Variants in TNFAIP8 observed in about 807,000 individuals in gnomAD.
TNFAIP8 encodes tumor necrosis factor alpha-induced protein 8.
A neutral mutation model predicts 13.3 loss-of-function variants in TNFAIP8; 7 were observed. That is an observed-to-expected ratio of 0.52 (90% confidence interval 0.30 to 0.99). TNFAIP8 has a LOEUF of 0.99. Ranked by LOEUF, TNFAIP8 falls within the 50% of genes least tolerant of loss-of-function variation. The probability of loss-of-function intolerance (pLI) is 0.07; values close to 1 mark genes in which losing one functional copy is unlikely to be tolerated. For synonymous variants in TNFAIP8, 94 were observed against 87.6 expected, an observed-to-expected ratio of 1.07 and a Z score of -0.41; for missense variants, 258 against 236.9, an observed-to-expected ratio of 1.09 and a Z score of -0.58.
In TNFAIP8 at chr5:119,396,587, C is replaced by A. The variant is rs1432135971; in HGVS notation, c.*3206C>A. The A allele has an allele frequency of 6.6e-6, 1 of 152,190 alleles. No individual in the cohort carries two copies. Among genetic ancestry groups the A allele is most frequent in the African/African-American group, 2.4e-5 (1 of 41,444 alleles). 9.4% of individuals were successfully genotyped at this position (152,190 alleles called of 1,614,324 possible). ...GAGTAGGCACGGCATCAGTTTCAAA[C>A]TTCAACATTATTTTCCAGATTTGGA... On this transcript the variant is annotated 3_prime_UTR_variant, in exon 2 of 2. Transcript: ENST00000504771.
intron 1 of TNFAIP8, among the ~76,000 whole-genome samples, chr5:119,388,625 C>CT (rs771719715): frequency 4.8e-4 from 69 of 144,628 alleles, no homozygotes; most frequent in African/African-American, 1.7e-3. Context: ...CATGAAGCAT[C>CT]TTTTTTTTTC....
intron 1 of TNFAIP8, among the ~76,000 whole-genome samples, chr5:119,370,666 C>T (rs1298461603): frequency 1.3e-5 from 2 of 152,220 alleles, no homozygotes; most frequent in Non-Finnish European, 2.9e-5. Context: ...GTTACTATGA[C>T]CCAACATCAG....
chr5:119,290,474 C>G (rs79109850), intron 1 of TNFAIP8, among the ~76,000 whole-genome samples: 1,540 of 152,282 alleles, frequency 0.01, 17 homozygotes, highest in African/African-American at 0.035. Flanking sequence ...ATTGGAGTGT[C>G]CTCATGACAT....
intron 1 of TNFAIP8, among the ~76,000 whole-genome samples, chr5:119,298,125 A>G (rs966479000): frequency 4.6e-5 from 7 of 152,166 alleles, no homozygotes; most frequent in Non-Finnish European, 8.8e-5. Flanking sequence ...TAATATTGTT[A>G]TATGTGAATT....
intron 1 of TNFAIP8, among the ~76,000 whole-genome samples, chr5:119,333,002 T>C (rs1365943088): frequency 6.6e-6 from 1 of 152,158 alleles, no homozygotes; most frequent in African/African-American, 2.4e-5. Flanking sequence ...GAGCAATACG[T>C]ATTATTAATA....
chr5:119,358,806 G>A (rs927160845), intron 1 of TNFAIP8, among the ~76,000 whole-genome samples: 1 of 152,152 alleles, frequency 6.6e-6, no homozygotes, highest in African/African-American at 2.4e-5. Flanking sequence ...GGCATCCAGG[G>A]CTCCTTTGCT....
At chr5:119,334,456 G>C (rs1254334769) in intron 1 of TNFAIP8, among the ~76,000 whole-genome samples, 2 of 151,728 alleles carry the variant, frequency 1.3e-5, no homozygotes, top group Non-Finnish European at 2.9e-5. Flanking sequence ...GACATAGGTG[G>C]GTGTTGGTAT....
intron 1 of TNFAIP8, among the ~76,000 whole-genome samples, chr5:119,334,755 C>CA (rs1750497443): frequency 6.6e-6 from 1 of 151,324 alleles, no homozygotes; most frequent in African/African-American, 2.4e-5. Context: ...AGCCTGGTGA[C>CA]AGAGTGAGAC....
At chr5:119,337,986 A>C (rs2112720489) in intron 1 of TNFAIP8, among the ~76,000 whole-genome samples, 1 of 152,258 alleles carries the variant, frequency 6.6e-6, no homozygotes, top group Middle Eastern at 3.4e-3. Context: ...CCAGACCTTA[A>C]TAGGCCAGGG....
chr5:119,385,508 A>G (rs1011552040), intron 1 of TNFAIP8, among the ~76,000 whole-genome samples: 1 of 152,122 alleles, frequency 6.6e-6, no homozygotes, highest in Non-Finnish European at 1.5e-5. Flanking sequence ...TCTGTTCGTG[A>G]TAGGCCAGTT....
chr5:119,279,081 T>G (rs1187330130), intron 1 of TNFAIP8, among the ~76,000 whole-genome samples: 1 of 152,240 alleles, frequency 6.6e-6, no homozygotes, highest in East Asian at 1.9e-4. Flanking sequence ...CAGCAGGCAC[T>G]GTGCTGAGTG....
chr5:119,352,912 G>T (rs929879466), upstream of TNFAIP8, among the ~76,000 whole-genome samples: 4 of 152,174 alleles, frequency 2.6e-5, no homozygotes, highest in African/African-American at 9.7e-5. Flanking sequence ...ATTTACATAT[G>T]ACACACACAA....
At chr5:119,284,232 C>T (rs969068070) in intron 1 of TNFAIP8, among the ~76,000 whole-genome samples, 1 of 152,108 alleles carries the variant, frequency 6.6e-6, no homozygotes, top group African/African-American at 2.4e-5. Flanking sequence ...TGCCATAGTT[C>T]CTCTTGCAGG....
chr5:119,333,204 A>G (rs1246800198), intron 1 of TNFAIP8: 1 of 1,000,172 alleles, frequency 1.0e-6, no homozygotes, highest in Non-Finnish European at 1.2e-6. Context: ...TTTGCTTGTC[A>G]CAGGTAATCT....
rs192652922 is a variant in TNFAIP8, at chr5:119,334,008, A to T, written c.2-58808A>T. On this transcript the variant is annotated intron_variant, in intron 1 of 1. Coordinates refer to the TNFAIP8 transcript ENST00000274456. Reference sequence around the variant, plus strand: ...TTTCCATGCGTTTATTAACTGTAGGACACCTCTGGTTCCCAGTGGTCTGGT... The same window carrying T: ...TTTCCATGCGTTTATTAACTGTAGGTCACCTCTGGTTCCCAGTGGTCTGGT... Among the ~76,000 whole-genome samples the T allele has an allele frequency of 5.9e-5, 9 of 152,280 alleles. No homozygotes were observed. In the East Asian group the frequency reaches 1.7e-3, roughly 29 times the overall value.
chr5:119,303,197 C>T (rs965761696), intron 1 of TNFAIP8, among the ~76,000 whole-genome samples: 1 of 152,144 alleles, frequency 6.6e-6, no homozygotes, highest in East Asian at 1.9e-4. Context: ...GAGATAACTT[C>T]TTGGTTTTCC....
upstream of TNFAIP8, among the ~76,000 whole-genome samples, chr5:119,353,648 T>TTATAAGGCTGACGGAGC (rs11276250): frequency 0.22 from 32,708 of 151,204 alleles, 3,635 homozygotes; most frequent in Non-Finnish European, 0.22. Context: ...CTAAAATGAA[T>TTATAAGGCTGACGGAGC]TATAAGGCTG....
At chr5:119,270,429 GGTT>G (rs1017696325) in intron 1 of TNFAIP8, among the ~76,000 whole-genome samples, 16 of 152,346 alleles carry the variant, frequency 1.1e-4, no homozygotes, top group African/African-American at 3.1e-4. Context: ...AGCAAGCTAT[GGTT>G]GTTGTTGTTT....
chr5:119,270,239 T>G (rs1401711241), intron 1 of TNFAIP8, among the ~76,000 whole-genome samples: 1 of 152,272 alleles, frequency 6.6e-6, no homozygotes, highest in Non-Finnish European at 1.5e-5. Flanking sequence ...TATCCTGGTT[T>G]GAATCCTGTA....
Sources: gnomAD v4.1 joint callset for allele counts (sites outside exome capture counted in the v4.1 genomes callset) on GRCh38, gnomAD v4.1.1 for gene constraint, MANE v1.5 for transcripts, NCBI Gene and HGNC (gene_info 2026-07-23, HGNC 2026-07-21) for gene names.